PRDM11: variants seen among roughly 807,000 people sequenced by gnomAD.
PRDM11 encodes PR domain-containing protein 11.
Under a neutral mutation model 97.8 loss-of-function variants are expected in PRDM11, and 20 were observed. The observed-to-expected ratio is 0.20, with a 90% CI of 0.14 to 0.30. The LOEUF (loss-of-function observed/expected upper bound fraction) is 0.30. PRDM11 is among the 10% of genes least tolerant of loss of function. The pLI, the probability that PRDM11 is intolerant of heterozygous loss-of-function variation, is 1.00. For synonymous variants in PRDM11, 599 were observed against 637.7 expected (o/e 0.94, Z 0.91); for missense variants, 1,139 against 1,555.2 (o/e 0.73, Z 4.50).
chr11:45,228,029 G>T lies in PRDM11; in HGVS notation c.3404G>T (p.Ser1135Ile), dbSNP rs1410465701. Residue 1135 changes from serine to isoleucine, a missense_variant, in exon 8 of 8, where the codon AGC becomes ATC. Ser to Ile is a moderately radical substitution (Grantham distance 142). This residue lies in a region of PRDM11 where 710 missense variants were observed against 1,044.9 expected (regional missense o/e 0.68). Transcript: ENST00000683152. ...TTTGATGCCAAGCGAGCCCTGGACA[G>T]CTGGTTTGAGGAGAAGTCTGGGAAC... ...TNFDAKRALD[S>I]WFEEKSGNSY... 1 of 1,533,814 alleles carries T rather than the reference G, an allele frequency of 6.5e-7. No individual in the cohort carries two copies. Among genetic ancestry groups the T allele is most frequent in the South Asian group, 1.2e-5 (1 of 83,966 alleles).
chr11:45,187,938 C>T (rs1223637535), intron 4 of PRDM11, among the ~76,000 whole-genome samples: 1 of 151,836 alleles, frequency 6.6e-6, no homozygotes, highest in African/African-American at 2.4e-5. Flanking sequence ...TGGGAGAGTA[C>T]GGGGAAGGTG....
chr11:45,200,782 G>C (rs1450315437), intron 4 of PRDM11, among the ~76,000 whole-genome samples: 2 of 152,316 alleles, frequency 1.3e-5, no homozygotes, highest in East Asian at 3.9e-4. Flanking sequence ...GGGGAAGCTT[G>C]AGTTGCATGT....
Position 45,231,531 on chromosome 11 carries a change from C to T in PRDM11, c.*3372C>T, listed in dbSNP as rs1489882027. 6.6e-6 allele frequency: 1 copy of T among 151,982 alleles called. No homozygotes were observed. The highest frequency in any genetic ancestry group is 1.5e-5 in the Non-Finnish European group (1 of 68,046). 9.4% of individuals were successfully genotyped at this position (151,982 alleles called of 1,614,324 possible). On this transcript the variant is annotated 3_prime_UTR_variant, in exon 8 of 8. Coordinates refer to ENST00000683152, the MANE Select transcript of PRDM11 (RefSeq NM_001384648.1). Reference sequence around the variant, plus strand: ...ATGAAGTGTGTCTCTGGGGCTGAGACTTGGCATAACTGGGCTGGCTGATTA... The same window carrying T: ...ATGAAGTGTGTCTCTGGGGCTGAGATTTGGCATAACTGGGCTGGCTGATTA...
chr11:45,212,676 C>T (rs750706901), intron 5 of PRDM11: 9 of 456,304 alleles, frequency 2.0e-5, no homozygotes, highest in Middle Eastern at 3.2e-4. Flanking sequence ...ACCCCTCGGC[C>T]GCACCCCAGC....
intron 3 of PRDM11, 100 bp downstream of exon 3, chr11:45,182,449 C>T: frequency 1.9e-6 from 2 of 1,079,192 alleles, no homozygotes; most frequent in Admixed American, 4.4e-5. Context: ...TAGGTCCTCA[C>T]CTGCAATATA....
intron 1 of PRDM11, among the ~76,000 whole-genome samples, chr11:45,164,769 A>C (rs546411886): frequency 2.0e-5 from 3 of 152,332 alleles, no homozygotes; most frequent in African/African-American, 7.2e-5. Flanking sequence ...ACGGCTTGGC[A>C]GAGAGACCCC....
At position 45,224,671 on chromosome 11, in the gene PRDM11, A is replaced by G. The variant is rs1242478889; in HGVS notation, c.1197A>G (p.Ala399=). The change falls in exon 7 of 8, where the codon GCA becomes GCG. Residue 399 remains alanine (A), a synonymous_variant. Transcript: ENST00000683152. ...ACAGTCCTGCCGAGGCCTCCCTTGCATCTGACCCTCATGAACTTCCCACCA... is the reference window on the plus strand; with the variant it reads ...ACAGTCCTGCCGAGGCCTCCCTTGCGTCTGACCCTCATGAACTTCCCACCA... ...KADSPAEASL[A]SDPHELPTTS... 5 of 1,614,032 alleles carry G rather than the reference A, an allele frequency of 3.1e-6. No individual in the cohort carries two copies. The highest frequency in any genetic ancestry group is 2.2e-5 in the South Asian group (2 of 91,084).
intron 6 of PRDM11, among the ~76,000 whole-genome samples, chr11:45,223,097 C>T (rs1468506304): frequency 6.6e-6 from 1 of 152,156 alleles, no homozygotes; most frequent in African/African-American, 2.4e-5. Context: ...GGGCAGATGG[C>T]TTGAGCCTAG....
intron 4 of PRDM11, among the ~76,000 whole-genome samples, chr11:45,185,315 T>C (rs1265626481): frequency 6.6e-6 from 1 of 152,202 alleles, no homozygotes; most frequent in Non-Finnish European, 1.5e-5. Flanking sequence ...AGGATTACTG[T>C]AAACATTTTA....
At position 45,226,699 on chromosome 11, in the gene PRDM11, C is replaced by T. The variant is rs1329929033; in HGVS notation, c.2074C>T (p.Leu692=). The T allele has an allele frequency of 7.2e-6, 11 of 1,534,008 alleles. No homozygotes were observed. The highest frequency in any genetic ancestry group is 2.3e-4 in the Middle Eastern group (1 of 4,358). Residue 692 remains leucine, a synonymous_variant, in exon 8 of 8, where the codon CTG becomes TTG. Coordinates refer to ENST00000683152, the MANE Select transcript of PRDM11 (RefSeq NM_001384648.1). ...TGATGGGCCCCCGGCCACAGAGTTC[C>T]TGTCCCTGCAGGAGCTGGGATTCTC... ...SSDGPPATEF[L]SLQELGFSST...
At chr11:45,200,489 T>C (rs1430536970) in intron 4 of PRDM11, among the ~76,000 whole-genome samples, 1 of 152,260 alleles carries the variant, frequency 6.6e-6, no homozygotes, top group African/African-American at 2.4e-5. Context: ...ATAAGGAAAC[T>C]GAGGCATGGT....
At position 45,228,134 on chromosome 11, in the gene PRDM11, G is replaced by C. The variant is rs1302505713; in HGVS notation, c.3509G>C (p.Gly1170Ala). Residue 1170 changes from glycine to alanine, a missense_variant, in exon 8 of 8, where the codon GGG becomes GCG. Around this residue, in one of 2 missense-constraint regions of PRDM11, gnomAD observed 710 missense variants for 1,044.9 expected, o/e 0.68. Transcript: ENST00000683152. Reference protein sequence around the residue: ...QKPALQTMDHGTEFYPDI With the variant: ...QKPALQTMDHATEFYPDI Reference sequence around the variant, plus strand: ...CCAGCACTACAGACCATGGACCACGGGACGGAGTTTTACCCCGACATTTAG... The same window carrying C: ...CCAGCACTACAGACCATGGACCACGCGACGGAGTTTTACCCCGACATTTAG... 1.3e-6 allele frequency: 2 copies of C among 1,526,614 alleles called. No homozygotes were observed. Among genetic ancestry groups the C allele is most frequent in the African/African-American group, 2.8e-5 (2 of 72,678 alleles). 94.6% of individuals were successfully genotyped at this position (1,526,614 alleles called of 1,614,324 possible). A position where few individuals can be genotyped will look rare whatever the true frequency, so the allele number is the denominator to read the frequency against.
intron 4 of PRDM11, among the ~76,000 whole-genome samples, chr11:45,192,105 C>G (rs559252671): frequency 6.6e-6 from 1 of 152,124 alleles, no homozygotes; most frequent in Non-Finnish European, 1.5e-5. Context: ...TGAGTTGATG[C>G]AAATGTCCTA....
chr11:45,201,026 A>G (rs1279301811), intron 4 of PRDM11, among the ~76,000 whole-genome samples: 3 of 152,174 alleles, frequency 2.0e-5, no homozygotes, highest in Non-Finnish European at 4.4e-5. Flanking sequence ...CAATGTGCCA[A>G]TTTCCATGGT....
intron 5 of PRDM11, chr11:45,215,692 T>C (rs1424781576): frequency 6.6e-6 from 1 of 152,124 alleles, no homozygotes; most frequent in Non-Finnish European, 1.5e-5. Flanking sequence ...GAAACTTGGG[T>C]GAGAGACAGA....
At chr11:45,108,602 G>A (rs2135600950) in intron 1 of PRDM11, among the ~76,000 whole-genome samples, 1 of 152,296 alleles carries the variant, frequency 6.6e-6, no homozygotes, top group South Asian at 2.1e-4. Flanking sequence ...AGGCAGGTGT[G>A]TCCTCATGGT....
chr11:45,155,480 C>T (rs1851771332), intron 1 of PRDM11, among the ~76,000 whole-genome samples: 3 of 152,162 alleles, frequency 2.0e-5, no homozygotes, highest in Admixed American at 2.0e-4. Context: ...TTGGCTGGGG[C>T]TTGTCCCTGA....
Position 45,219,797 on chromosome 11 carries a change from G to A in PRDM11, c.742+40G>A, listed in dbSNP as rs781768058. 6.3e-7 allele frequency: 1 copy of A among 1,582,288 alleles called. No individual in the cohort carries two copies. The highest frequency in any genetic ancestry group is 8.6e-7 in the Non-Finnish European group (1 of 1,161,884). ...CCACATGAGCTGCGCCCACCTCTGAGCCCCAGGGGAGGCCTGGATAGCTTG... is the reference window on the plus strand; with the variant it reads ...CCACATGAGCTGCGCCCACCTCTGAACCCCAGGGGAGGCCTGGATAGCTTG... On this transcript the variant is annotated intron_variant, in intron 6 of 7. Transcript: ENST00000683152. This position sits in a 1 kb window ranked among gnomAD's most constrained non-coding sequence, Gnocchi z 4.2.
chr11:45,141,938 G>T (rs537079538), upstream of PRDM11, among the ~76,000 whole-genome samples: 1 of 152,162 alleles, frequency 6.6e-6, no homozygotes, highest in Non-Finnish European at 1.5e-5. Context: ...GGCACACTCT[G>T]CTTCTCCCCA....
Sources: allele counts gnomAD v4.1 joint callset (sites outside exome capture counted in the v4.1 genomes callset), GRCh38; gene constraint gnomAD v4.1.1; regional missense constraint gnomAD v4.1.1; non-coding constraint Gnocchi (gnomAD v3.1); transcripts MANE v1.5; gene names NCBI Gene and HGNC (gene_info 2026-07-23, HGNC 2026-07-21).